The following BARD1 variants were observed in gnomAD, a reference collection of about 807,000 sequenced individuals.
BARD1 encodes BRCA1 associated RING domain 1.
A neutral mutation model predicts 77.0 loss-of-function variants in BARD1; 73 were observed. The ratio of observed to expected loss-of-function variants is 0.95; its 90% CI spans 0.79 to 1.15. The LOEUF is 1.15. BARD1 is among the 50% of genes most tolerant of loss of function. The pLI is 0.00. For synonymous variants in BARD1, 384 were observed against 338.0 expected (o/e 1.14, Z -1.49); for missense variants, 993 against 938.8 (o/e 1.06, Z -0.75).
At chr2:214,789,082 G>A (rs1287316866) in intron 3 of BARD1, among the ~76,000 whole-genome samples, 1 of 152,076 alleles carries the variant, frequency 6.6e-6, no homozygotes, top group Non-Finnish European at 1.5e-5. Flanking sequence ...TTATAATTCA[G>A]TATGTTTATA....
chr2:214,767,713 A>G, intron 5 of BARD1, 59 bp from the exon 6 acceptor site: 1 of 1,461,834 alleles, frequency 6.8e-7, no homozygotes, highest in Non-Finnish European at 9.5e-7. Flanking sequence ...AATGGATGAT[A>G]TTATAATATC....
intron 4 of BARD1, 133 bp from the exon 5 acceptor site, chr2:214,769,445 G>C: frequency 1.3e-6 from 1 of 755,208 alleles, no homozygotes. Context: ...CTGTTCATGA[G>C]TTAATAAATT....
Position 214,729,020 on chromosome 2 carries a change from A to C in BARD1, c.2002-12T>G, listed in dbSNP as rs587780027. On this transcript the variant is annotated splice_polypyrimidine_tract_variant and intron_variant, in intron 10 of 10. Transcript: ENST00000260947. ...AACAGCTTTGGCAACTGAAATAATG[A>C]GAAAACATTTGTTAAAGGCAGATCA... 6.2e-6 allele frequency: 10 copies of C among 1,613,092 alleles called. No individual in the cohort carries two copies. Among genetic ancestry groups the C allele is most frequent in the Non-Finnish European group, 7.6e-6 (9 of 1,179,356 alleles).
In BARD1 at chr2:214,780,725, C is replaced by T. The variant is rs1559423780; in HGVS notation, c.1149G>A (p.Met383Ile). The T allele has an allele frequency of 1.2e-6, 2 of 1,614,056 alleles. No homozygotes were observed. The highest frequency in any genetic ancestry group is 1.1e-5 in the South Asian group (1 of 91,078). ...GTGAAAGACTAATGAATTCATCGGACATGTTACTGTTTTTCCTCCCTGATG... is the reference window on the plus strand; with the variant it reads ...GTGAAAGACTAATGAATTCATCGGATATGTTACTGTTTTTCCTCCCTGATG... ...GGTSGRKNSN[M>I]SDEFISLSPG... The change falls in exon 4 of 11, where the codon ATG becomes ATA. Residue 383 changes from methionine (M) to isoleucine (I), a missense_variant. Transcript: ENST00000260947.
rs1694959699 is a variant in BARD1, at chr2:214,780,751, T to C, written c.1123A>G (p.Thr375Ala). The change falls in exon 4 of 11, where the codon ACA (threonine) becomes GCA (alanine). Residue 375 changes from threonine to alanine, a missense_variant. Transcript: ENST00000260947. ...ATGTTACTGTTTTTCCTCCCTGATG[T>C]ACCACCAACTTTACGTTTGCATGAA... ...PPSCKRKVGG[T>A]SGRKNSNMSD... is the part of the protein sequence containing the mutation. 3 of 1,614,090 alleles carry C rather than the reference T, an allele frequency of 1.9e-6. No individual in the cohort carries two copies. The highest frequency in any genetic ancestry group is 4.5e-5 in the East Asian group (2 of 44,866).
At chr2:214,756,488 A>C (rs1392391989) in intron 6 of BARD1, among the ~76,000 whole-genome samples, 2 of 152,240 alleles carry the variant, frequency 1.3e-5, no homozygotes, top group Non-Finnish European at 2.9e-5. Context: ...GTGTCTACCC[A>C]GAGGAAAAGA....
intron 4 of BARD1, among the ~76,000 whole-genome samples, chr2:214,778,409 G>A (rs920365942): frequency 1.3e-5 from 2 of 151,870 alleles, no homozygotes; most frequent in Non-Finnish European, 2.9e-5. Flanking sequence ...TCTGACAACT[G>A]GTGACAATAA....
chr2:214,808,932 G>A (rs970535366), intron 1 of BARD1, among the ~76,000 whole-genome samples: 1 of 152,244 alleles, frequency 6.6e-6, no homozygotes, highest in Non-Finnish European at 1.5e-5. Context: ...CTGGCACGGA[G>A]AAAATGTCAA....
rs1441378379 is a variant in BARD1, at chr2:214,809,664, G to C, written c.-95C>G. 2.0e-5 allele frequency: 29 copies of C among 1,466,916 alleles called. No individual in the cohort carries two copies. Among genetic ancestry groups the C allele is most frequent in the Middle Eastern group, 2.4e-4 (1 of 4,230 alleles). 90.9% of individuals were successfully genotyped at this position (1,466,916 alleles called of 1,614,324 possible). ...GCTGCAGGCCAGCGACTCGAAACCG[G>C]CCAAGCTCTTCCCGCGTCTGGGACG... is the stretch of plus-strand genomic sequence containing the variant. On this transcript the variant is annotated 5_prime_UTR_variant, in exon 1 of 11. Coordinates refer to ENST00000260947, the MANE Select transcript of BARD1 (RefSeq NM_000465.4).
At chr2:214,741,011 T>C (rs1287176951) in intron 9 of BARD1, among the ~76,000 whole-genome samples, 2 of 152,146 alleles carry the variant, frequency 1.3e-5, no homozygotes, top group African/African-American at 2.4e-5. Flanking sequence ...TGTTAGAATT[T>C]GTTTGAAAAG....
At chr2:214,743,922 A>T (rs1559385025) in intron 9 of BARD1, among the ~76,000 whole-genome samples, 1 of 152,160 alleles carries the variant, frequency 6.6e-6, no homozygotes, top group African/African-American at 2.4e-5. Context: ...CTTGTGTTAC[A>T]TGGCCACCAC....
intron 1 of BARD1, among the ~76,000 whole-genome samples, chr2:214,803,726 A>G (rs1035675871): frequency 6.6e-6 from 1 of 152,120 alleles, no homozygotes; most frequent in African/African-American, 2.4e-5. Context: ...CATATGCTGA[A>G]CGCTGGTTCC....
intron 1 of BARD1, among the ~76,000 whole-genome samples, chr2:214,801,441 C>CTG (rs1467136840): frequency 1.3e-5 from 2 of 152,100 alleles, no homozygotes; most frequent in African/African-American, 4.8e-5. Flanking sequence ...TGGCCATATA[C>CTG]TGTGTTATTT....
chr2:214,751,109 G>A (rs1225976975), intron 7 of BARD1, among the ~76,000 whole-genome samples: 25 of 10,210 alleles, frequency 2.4e-3, no homozygotes, highest in Non-Finnish European at 4.3e-3. Context: ...GTGTGTGTGT[G>A]TGTGTGTGTA....
chr2:214,806,875 GGAAA>G (rs1696300452), intron 1 of BARD1, among the ~76,000 whole-genome samples: 2 of 105,986 alleles, frequency 1.9e-5, no homozygotes, highest in African/African-American at 6.7e-5. Flanking sequence ...CTTTGCCTAG[GGAAA>G]AAAAAAAAAA....
At chr2:214,746,359 A>G (rs2106022591) in intron 7 of BARD1, among the ~76,000 whole-genome samples, 1 of 152,338 alleles carries the variant, frequency 6.6e-6, no homozygotes, top group Admixed American at 6.5e-5. Flanking sequence ...CAAAACTAGG[A>G]AAAGATAAAA....
chr2:214,772,938 T>A (rs577567703), intron 4 of BARD1, among the ~76,000 whole-genome samples: 3 of 152,246 alleles, frequency 2.0e-5, no homozygotes, highest in African/African-American at 7.2e-5. Flanking sequence ...GAAAGAATAA[T>A]TGAACTTTTC....
intron 6 of BARD1, among the ~76,000 whole-genome samples, chr2:214,755,609 G>T (rs568984519): frequency 1.3e-5 from 2 of 152,196 alleles, no homozygotes; most frequent in Non-Finnish European, 2.9e-5. Flanking sequence ...CTAGAAACTG[G>T]AATATGGTGG....
intron 9 of BARD1, among the ~76,000 whole-genome samples, chr2:214,741,923 T>C (rs1692852240): frequency 8.4e-6 from 1 of 118,770 alleles, no homozygotes; most frequent in African/African-American, 2.9e-5. Context: ...TCCAAATCTT[T>C]TGTATAATTC....
Sources: gnomAD v4.1 joint callset for allele counts (sites outside exome capture counted in the v4.1 genomes callset) on GRCh38, gnomAD v4.1.1 for gene constraint, MANE v1.5 for transcripts, NCBI Gene and HGNC (gene_info 2026-07-23, HGNC 2026-07-21) for gene names.